Variants in TSC1 observed in about 807,000 individuals in gnomAD.
TSC1 encodes the protein TSC complex subunit 1.
A neutral mutation model predicts 124.3 loss-of-function variants in TSC1; 20 were observed. The observed-to-expected ratio is 0.16, with a 90% CI of 0.11 to 0.23. The LOEUF is 0.23. Among genes scored for constraint, TSC1 ranks in the 10% least tolerant of loss-of-function variants. The pLI, the probability that TSC1 is intolerant of heterozygous loss-of-function variation, is 1.00. For missense variants in TSC1, 1,124 were observed against 1,448.5 expected (o/e 0.78, Z 3.64); for synonymous variants, 493 against 539.1 (o/e 0.91, Z 1.19).
chr9:132,921,452 T>G lies in TSC1; in HGVS notation c.664-16A>C. On this transcript the variant is annotated splice_polypyrimidine_tract_variant and intron_variant, in intron 7 of 22. Coordinates refer to ENST00000298552, the MANE Select transcript of TSC1 (RefSeq NM_000368.5). This position sits in a 1 kb window ranked among gnomAD's most constrained non-coding sequence, Gnocchi z 4.3. ...CCATCATTGGCTAGAAGAGTTGGGT[T>G]GACAAATTATAAAGGGCTGAATGTT... 1 of 1,614,024 alleles carries G rather than the reference T, an allele frequency of 6.2e-7. No homozygotes were observed. The highest frequency in any genetic ancestry group is 1.1e-5 in the South Asian group (1 of 91,084).
intron 2 of TSC1, among the ~76,000 whole-genome samples, chr9:132,930,587 CAAAAAAAAAA>C (rs58163733): frequency 2.7e-4 from 12 of 45,248 alleles, no homozygotes; most frequent in East Asian, 1.5e-3. Context: ...GACTCTGCCT[CAAAAAAAAAA>C]AAAAAAAAAA....
intron 18 of TSC1, 170 bp from the exon 19 acceptor site, chr9:132,901,869 T>C (rs138843419): frequency 3.1e-4 from 192 of 620,510 alleles, no homozygotes; most frequent in Middle Eastern, 2.2e-3. Flanking sequence ...TATGGTTGAT[T>C]TCTGAGTTCC....
intron 15 of TSC1, among the ~76,000 whole-genome samples, chr9:132,905,038 G>A (rs1022184979): frequency 2.0e-5 from 3 of 152,208 alleles, no homozygotes; most frequent in African/African-American, 2.4e-5. Flanking sequence ...AATAAAAGAC[G>A]GATGGGAAAC....
At position 132,907,338 on chromosome 9, in the gene TSC1, T is replaced by G. The variant is rs1554816406; in HGVS notation, c.1296A>C (p.Leu432=). The change falls in exon 13 of 23, where the codon CTA becomes CTC. Residue 432 remains leucine, a synonymous_variant. Transcript: ENST00000298552. ...CATTCAGAAGATGGTGTTGTCTGTG[T>G]AGACATGGTCTTGCAGAATCCATTC... ...EERMDSARPC[L]HRQHHLLNDR... is the part of the protein sequence containing the mutation. 3 of 1,614,188 alleles carry G rather than the reference T, an allele frequency of 1.9e-6. No individual in the cohort carries two copies. Among genetic ancestry groups the G allele is most frequent in the Non-Finnish European group, 2.5e-6 (3 of 1,180,006 alleles).
chr9:132,934,011 A>G (rs1445127428), intron 2 of TSC1, among the ~76,000 whole-genome samples: 1 of 152,204 alleles, frequency 6.6e-6, no homozygotes, highest in African/African-American at 2.4e-5. Context: ...TTAACTTTCG[A>G]CAGTCTACAA....
intron 19 of TSC1, among the ~76,000 whole-genome samples, chr9:132,901,331 CA>C (rs1845360880): frequency 6.6e-6 from 1 of 152,206 alleles, no homozygotes; most frequent in African/African-American, 2.4e-5. Flanking sequence ...TTCTTTGTTG[CA>C]GGGGGCTGCC....
Position 132,893,366 on chromosome 9 carries a change from G to A in TSC1, c.*2869C>T. On this transcript the variant is annotated 3_prime_UTR_variant, in exon 23 of 23. Coordinates refer to ENST00000298552, the MANE Select transcript of TSC1 (RefSeq NM_000368.5). ...GTTTTTTTTCTATTCATGACCACGT[G>A]TTTCTTCCAATCCCATAATAACAAT... 1 of 233,130 alleles carries A rather than the reference G, an allele frequency of 4.3e-6. No homozygotes were observed. The highest frequency in any genetic ancestry group is 6.0e-5 in the East Asian group (1 of 16,590). 14.4% of individuals were successfully genotyped at this position (233,130 alleles called of 1,614,324 possible).
intron 15 of TSC1, 49 bp downstream of exon 15, chr9:132,905,532 A>G (rs1210974172): frequency 1.9e-6 from 3 of 1,611,306 alleles, no homozygotes; most frequent in Admixed American, 1.7e-5. Flanking sequence ...TCTGTACTTC[A>G]CAATAAAATG....
chr9:132,944,432 CAAGT>C (rs1847956683), intron 1 of TSC1, 107 bp downstream of exon 1: 1 of 396,812 alleles, frequency 2.5e-6, no homozygotes, highest in Non-Finnish European at 4.4e-6. Flanking sequence ...CCCTACCAAG[CAAGT>C]GAGTCTCTTG....
chr9:132,915,236 C>T (rs1429264987), intron 8 of TSC1, among the ~76,000 whole-genome samples: 2 of 151,802 alleles, frequency 1.3e-5, no homozygotes, highest in South Asian at 2.1e-4. Flanking sequence ...TCTCAGCCAC[C>T]GGGGAGGCTG....
intron 12 of TSC1, among the ~76,000 whole-genome samples, chr9:132,908,170 A>G (rs1845766599): frequency 6.6e-6 from 1 of 152,226 alleles, no homozygotes; most frequent in African/African-American, 2.4e-5. Flanking sequence ...TTAGAAAACC[A>G]GGAAATTTTT....
chr9:132,927,452 T>G lies in TSC1; in HGVS notation c.107-148A>C, dbSNP rs10901224. 62,430 of 725,896 alleles carry G rather than the reference T, an allele frequency of 0.086. 2,910 individuals are homozygous for G. Among genetic ancestry groups the G allele is most frequent in the African/African-American group, 0.11 (5,944 of 56,524 alleles). 45.0% of individuals were successfully genotyped at this position (725,896 alleles called of 1,614,324 possible). A position where few individuals can be genotyped will look rare whatever the true frequency, so the allele number is the denominator to read the frequency against. On this transcript the variant is annotated intron_variant, in intron 3 of 22. Transcript: ENST00000298552. ...AGCATTACAGTTCTGCCTTCTTAAT[T>G]TAATAATAAGATATTCCAAGCTTAT...
At chr9:132,922,768 C>A (rs982081341) in intron 6 of TSC1, among the ~76,000 whole-genome samples, 8 of 152,146 alleles carry the variant, frequency 5.3e-5, no homozygotes, top group African/African-American at 1.7e-4. Flanking sequence ...ATACTTCACC[C>A]TTTTGATAGA....
rs1845492276 is a variant in TSC1 at position 132,903,640 on chromosome 9, C to A, written c.2208+11G>T. The A allele has an allele frequency of 6.2e-7, 1 of 1,611,932 alleles. No individual in the cohort carries two copies. Among genetic ancestry groups the A allele is most frequent in the Admixed American group, 1.7e-5 (1 of 59,998 alleles). On this transcript the variant is annotated intron_variant, in intron 17 of 22. Coordinates refer to ENST00000298552, the MANE Select transcript of TSC1 (RefSeq NM_000368.5). This position sits in a 1 kb window ranked among gnomAD's most constrained non-coding sequence, Gnocchi z 5.9. ...AAAGCAAGCTCCACCTGTCCCCTCCCCAGTCCTCACCATGGCAGCATTATG... is the reference window on the plus strand; with the variant it reads ...AAAGCAAGCTCCACCTGTCCCCTCCACAGTCCTCACCATGGCAGCATTATG...
rs1298796099 is a variant in TSC1 at position 132,891,907 on chromosome 9, T to G, written c.*4328A>C. ...AGGGTTGGTCTGGGGGTTCTCAGACTCTCAGGGTTTCCACTGAAAGGTCCA... is the reference window on the plus strand; with the variant it reads ...AGGGTTGGTCTGGGGGTTCTCAGACGCTCAGGGTTTCCACTGAAAGGTCCA... On this transcript the variant is annotated 3_prime_UTR_variant, in exon 23 of 23. Transcript: ENST00000298552. The G allele has an allele frequency of 4.3e-6, 1 of 233,398 alleles. No homozygotes were observed. Among genetic ancestry groups the G allele is most frequent in the Non-Finnish European group, 8.5e-6 (1 of 117,998 alleles). 14.5% of individuals were successfully genotyped at this position (233,398 alleles called of 1,614,324 possible). A position where few individuals can be genotyped will look rare whatever the true frequency, so the allele number is the denominator to read the frequency against.
In TSC1 at chr9:132,912,544, A is replaced by AACTCT. The variant is rs1295334706; in HGVS notation, c.738-92_738-88dup. On this transcript the variant is annotated intron_variant, in intron 8 of 22. Coordinates refer to ENST00000298552, the MANE Select transcript of TSC1 (RefSeq NM_000368.5). ...AGTGTCAACTCAGTGCCAGCCACGG[A>AACTCT]ACTCTGATAGCAAAGAACAAGCGGG... 8 of 1,503,908 alleles carry AACTCT rather than the reference A, an allele frequency of 5.3e-6. No homozygotes were observed. In the East Asian group the frequency reaches 1.8e-4, roughly 34 times the overall value. 93.2% of individuals were successfully genotyped at this position (1,503,908 alleles called of 1,614,324 possible). A position where few individuals can be genotyped will look rare whatever the true frequency, so the allele number is the denominator to read the frequency against.
rs2131709183 is a variant in TSC1, at chr9:132,901,683, C to T, written c.2408G>A (p.Cys803Tyr). ...CCGCAGCTCCGCAATCATGTTCCTG[C>T]AGTCCTCCAGCTTCGTCTGCCCAAA... ...SQELQTKLED[C>Y]RNMIAELRIE... The change falls in exon 19 of 23, where the codon TGC becomes TAC. Residue 803 changes from cysteine to tyrosine, a missense_variant. Cys to Tyr is a radical substitution (Grantham distance 194, BLOSUM62 -2). Around this residue, in one of 5 missense-constraint regions of TSC1, gnomAD observed 321 missense variants for 397.4 expected, o/e 0.81. Transcript: ENST00000298552. 6.2e-7 allele frequency: 1 copy of T among 1,614,006 alleles called. No homozygotes were observed. Among genetic ancestry groups the T allele is most frequent in the Non-Finnish European group, 8.5e-7 (1 of 1,180,012 alleles).
chr9:132,903,698 G>C lies in TSC1; in HGVS notation c.2161C>G (p.Arg721Gly), dbSNP rs763357144. The C allele has an allele frequency of 1.9e-6, 3 of 1,612,928 alleles. No individual in the cohort carries two copies. The Admixed American group carries it at 5.0e-5, about 27-fold the overall frequency. ...AGAGCTGCTGCTTTGATCACCTTGCGGAGGAGCCGCCTGTTCCGGAGGGCA... is the reference window on the plus strand; with the variant it reads ...AGAGCTGCTGCTTTGATCACCTTGCCGAGGAGCCGCCTGTTCCGGAGGGCA... ...QHALRNRRLL[R>G]KVIKAAALEE... Residue 721 changes from arginine to glycine, a missense_variant, in exon 17 of 23, where the codon CGC becomes GGC. Transcript: ENST00000298552. The surrounding 1 kb of genome is among the most constrained non-coding windows in gnomAD (Gnocchi z 5.9).
At chr9:132,944,519 AG>A in intron 1 of TSC1, 23 bp downstream of exon 1, 1 of 398,538 alleles carries the variant, frequency 2.5e-6, no homozygotes, top group Non-Finnish European at 4.4e-6. Flanking sequence ...CATAAAAAGG[AG>A]GGGGAGACAC....
Sources: allele counts gnomAD v4.1 joint callset (sites outside exome capture counted in the v4.1 genomes callset), GRCh38; gene constraint gnomAD v4.1.1; regional missense constraint gnomAD v4.1.1; non-coding constraint Gnocchi (gnomAD v3.1); transcripts MANE v1.5; gene names NCBI Gene and HGNC (gene_info 2026-07-23, HGNC 2026-07-21).